BLMH: variants seen among roughly 807,000 people sequenced by gnomAD.
BLMH encodes bleomycin hydrolase, also known as BLM hydrolase.
In BLMH, 32 loss-of-function variants were observed where a neutral mutation model predicts 61.6. The observed-to-expected ratio is 0.52, with a 90% CI of 0.39 to 0.70. BLMH has a LOEUF of 0.70. BLMH is among the 30% of genes least tolerant of loss of function. The pLI, the probability that BLMH is intolerant of heterozygous loss-of-function variation, is 0.00. For missense variants in BLMH, 460 were observed against 555.5 expected, an observed-to-expected ratio of 0.83 and a Z score of 1.73; for synonymous variants, 183 against 193.8, an observed-to-expected ratio of 0.94 and a Z score of 0.46.
intron 7 of BLMH, chr17:30,273,228 GCC>G: frequency 1.1e-5 from 2 of 186,030 alleles, no homozygotes; most frequent in South Asian, 1.3e-4. Flanking sequence ...GTGCAATGGC[GCC>G]ATCTCGGCTC....
chr17:30,285,283 A>G (rs1908695356), intron 6 of BLMH, 105 bp downstream of exon 6: 1 of 771,122 alleles, frequency 1.3e-6, no homozygotes, highest in Admixed American at 3.1e-5. Flanking sequence ...ATTCAATTAA[A>G]CATTCGTTGC....
At chr17:30,257,080 T>C (rs2143019990) in intron 11 of BLMH, among the ~76,000 whole-genome samples, 1 of 152,358 alleles carries the variant, frequency 6.6e-6, no homozygotes, top group Admixed American at 6.5e-5. Flanking sequence ...TGGGACTTCA[T>C]CCTATAGATA....
At chr17:30,286,941 A>C (rs1392890323) in intron 4 of BLMH, 39 bp from the exon 5 acceptor site, 3 of 1,360,880 alleles carry the variant, frequency 2.2e-6, no homozygotes, top group Non-Finnish European at 3.1e-6. Context: ...GAAGGTAAAA[A>C]ATTAGAAACC....
At chr17:30,265,815 C>G (rs1054389001) in intron 11 of BLMH, among the ~76,000 whole-genome samples, 1 of 152,162 alleles carries the variant, frequency 6.6e-6, no homozygotes, top group Non-Finnish European at 1.5e-5. Flanking sequence ...GTGATTGCCA[C>G]TTTTGGTTTG....
At chr17:30,280,038 A>C (rs933945989) in intron 6 of BLMH, among the ~76,000 whole-genome samples, 11 of 152,176 alleles carry the variant, frequency 7.2e-5, no homozygotes, top group Admixed American at 7.2e-4. Flanking sequence ...GCAGCAGTTG[A>C]GAGTCAGTTA....
chr17:30,268,195 A>G (rs899150622), intron 10 of BLMH, among the ~76,000 whole-genome samples: 16 of 152,220 alleles, frequency 1.1e-4, no homozygotes, highest in African/African-American at 7.2e-5. Context: ...GATGTCACCT[A>G]AAGTGATATA....
At chr17:30,279,144 G>A (rs1265145916) in intron 6 of BLMH, among the ~76,000 whole-genome samples, 1 of 152,212 alleles carries the variant, frequency 6.6e-6, no homozygotes, top group Non-Finnish European at 1.5e-5. Context: ...AACGAATAAT[G>A]ATGTGATCCT....
At chr17:30,282,834 A>C (rs181187051) in intron 6 of BLMH, among the ~76,000 whole-genome samples, 1 of 152,330 alleles carries the variant, frequency 6.6e-6, no homozygotes, top group African/African-American at 2.4e-5. Flanking sequence ...TTCAATGAAA[A>C]GAAGTCATTT....
Position 30,248,696 on chromosome 17 carries a change from A to G in BLMH, c.*321T>C, listed in dbSNP as rs1270489754. 3 of 277,506 alleles carry G rather than the reference A, an allele frequency of 1.1e-5. No homozygotes were observed. Among genetic ancestry groups the G allele is most frequent in the Non-Finnish European group, 2.1e-5 (3 of 146,118 alleles). The allele number at this position is 277,506 out of a possible 1,614,324, so 17.2% of individuals were successfully genotyped here. A position where few individuals can be genotyped will look rare whatever the true frequency, so the allele number is the denominator to read the frequency against. ...CAATCGCTCGTCCTCTCGTCTTATT[A>G]AAACACAGACACAGAACCAAACTTT... On this transcript the variant is annotated 3_prime_UTR_variant, in exon 12 of 12. Transcript: ENST00000261714.
At chr17:30,272,446 C>G in intron 9 of BLMH, 115 bp downstream of exon 9, 1 of 1,157,588 alleles carries the variant, frequency 8.6e-7, no homozygotes, top group Non-Finnish European at 1.3e-6. Context: ...AGAGACGCGC[C>G]CTTAGGTCAA....
At chr17:30,260,789 A>C (rs1907936390) in intron 11 of BLMH, among the ~76,000 whole-genome samples, 1 of 152,150 alleles carries the variant, frequency 6.6e-6, no homozygotes, top group African/African-American at 2.4e-5. Context: ...AGGCTGAGAC[A>C]CGAGAATCGC....
At chr17:30,264,875 T>C (rs1362898958) in intron 11 of BLMH, among the ~76,000 whole-genome samples, 1 of 152,350 alleles carries the variant, frequency 6.6e-6, no homozygotes, top group African/African-American at 2.4e-5. Context: ...CTCTTAACTA[T>C]CACCAACTTA....
At chr17:30,280,141 G>A (rs1908548013) in intron 6 of BLMH, among the ~76,000 whole-genome samples, 1 of 152,148 alleles carries the variant, frequency 6.6e-6, no homozygotes, top group Admixed American at 6.5e-5. Context: ...AAGGTAGTTC[G>A]AAGATAACAA....
chr17:30,265,637 C>T (rs1234077878), intron 11 of BLMH, among the ~76,000 whole-genome samples: 1 of 152,180 alleles, frequency 6.6e-6, no homozygotes, highest in Non-Finnish European at 1.5e-5. Context: ...TCTCTGGCTT[C>T]CCTACCTGGT....
At chr17:30,258,920 C>T (rs913463355) in intron 11 of BLMH, among the ~76,000 whole-genome samples, 6 of 152,172 alleles carry the variant, frequency 3.9e-5, no homozygotes, top group East Asian at 1.9e-4. Context: ...ACCTGTTCAA[C>T]GCATGCTCCA....
chr17:30,263,302 G>A (rs917943793), intron 11 of BLMH, among the ~76,000 whole-genome samples: 1 of 152,080 alleles, frequency 6.6e-6, no homozygotes, highest in African/African-American at 2.4e-5. Context: ...GACTAATAAC[G>A]AGAGGAATCA....
intron 6 of BLMH, among the ~76,000 whole-genome samples, chr17:30,278,342 T>TA (rs1426592239): frequency 1.3e-5 from 2 of 152,130 alleles, no homozygotes; most frequent in Non-Finnish European, 2.9e-5. Flanking sequence ...TTGAGTAAAA[T>TA]AAGAGTACAA....
chr17:30,267,099 A>T (rs1055716622), intron 10 of BLMH, 145 bp from the exon 11 acceptor site: 9 of 650,486 alleles, frequency 1.4e-5, no homozygotes, highest in African/African-American at 3.6e-5. Context: ...GCCTGCTCTA[A>T]ACAGTACTTG....
At chr17:30,287,688 T>C (rs1908769322) in intron 4 of BLMH, 118 bp downstream of exon 4, 4 of 1,190,176 alleles carry the variant, frequency 3.4e-6, no homozygotes, top group Non-Finnish European at 4.6e-6. Flanking sequence ...AATAACTATA[T>C]ATCCTTCTTG....
Sources: gnomAD v4.1 joint callset for allele counts (sites outside exome capture counted in the v4.1 genomes callset) on GRCh38, gnomAD v4.1.1 for gene constraint, MANE v1.5 for transcripts, NCBI Gene and HGNC (gene_info 2026-07-23, HGNC 2026-07-21) for gene names.